CYP2J2: variants seen among roughly 807,000 people sequenced by gnomAD.
The protein encoded by CYP2J2 is cytochrome P450 family 2 subfamily J member 2.
A neutral mutation model predicts 48.8 loss-of-function variants in CYP2J2; 41 were observed. That is an observed-to-expected ratio of 0.84 (90% CI 0.66 to 1.09). CYP2J2 has a LOEUF of 1.09. Ranked by LOEUF, CYP2J2 falls within the 50% of genes least tolerant of loss-of-function variation. CYP2J2 has a pLI of 0.00. For missense variants in CYP2J2, 644 were observed against 617.3 expected (o/e 1.04, Z -0.46); for synonymous variants, 221 against 227.1 (o/e 0.97, Z 0.24).
chr1:59,961,773 T>C, the CYP2J2 span, among the ~76,000 whole-genome samples: 1 of 152,074 alleles, frequency 6.6e-6, no homozygotes, highest in Non-Finnish European at 1.5e-5. Flanking sequence ...TACAATATTA[T>C]AATTATATAA....
At chr1:59,907,009 C>T (rs986953342) in intron 6 of CYP2J2, among the ~76,000 whole-genome samples, 1 of 152,130 alleles carries the variant, frequency 6.6e-6, no homozygotes, top group Non-Finnish European at 1.5e-5. Context: ...TTCCCACCCC[C>T]ATATGTTCAA....
At chr1:59,935,040 A>G in the CYP2J2 span, among the ~76,000 whole-genome samples, 3 of 121,424 alleles carry the variant, frequency 2.5e-5, no homozygotes, top group Non-Finnish European at 3.4e-5. Context: ...ATATATATAT[A>G]TATATATATA....
the CYP2J2 span, among the ~76,000 whole-genome samples, chr1:59,938,470 G>A: frequency 6.6e-6 from 1 of 152,240 alleles, no homozygotes; most frequent in Non-Finnish European, 1.5e-5. Flanking sequence ...TACTATGCCT[G>A]GATGTGCACG....
upstream of CYP2J2, among the ~76,000 whole-genome samples, chr1:59,928,427 A>T (rs1278346225): frequency 1.3e-5 from 2 of 152,234 alleles, no homozygotes; most frequent in Admixed American, 6.5e-5. Context: ...CATTTGAGCC[A>T]TAACTCACTC....
At chr1:59,965,411 C>T in the CYP2J2 span, among the ~76,000 whole-genome samples, 3 of 152,214 alleles carry the variant, frequency 2.0e-5, no homozygotes, top group African/African-American at 4.8e-5. Context: ...TACTCCAACT[C>T]CACGACACAA....
At chr1:59,921,367 A>C (rs1644513570) in intron 1 of CYP2J2, among the ~76,000 whole-genome samples, 1 of 152,182 alleles carries the variant, frequency 6.6e-6, no homozygotes, top group South Asian at 2.1e-4. Flanking sequence ...GGGCTGCCAG[A>C]ATGAGCCAAC....
chr1:59,908,493 AACTC>A (rs1644383881), intron 5 of CYP2J2, among the ~76,000 whole-genome samples: 1 of 152,198 alleles, frequency 6.6e-6, no homozygotes, highest in Non-Finnish European at 1.5e-5. Flanking sequence ...TCCAATTTGA[AACTC>A]ACTGATTCTA....
chr1:59,902,518 C>A (rs1241833554), intron 7 of CYP2J2, among the ~76,000 whole-genome samples: 1 of 151,984 alleles, frequency 6.6e-6, no homozygotes. Context: ...TGGGTTCAAG[C>A]AATTCTCCTG....
intron 2 of CYP2J2, among the ~76,000 whole-genome samples, chr1:59,915,669 C>T (rs1302654075): frequency 6.6e-6 from 1 of 152,132 alleles, no homozygotes; most frequent in East Asian, 1.9e-4. Context: ...AAATGGGTAA[C>T]ATGGTTACTT....
the CYP2J2 span, among the ~76,000 whole-genome samples, chr1:59,966,977 A>G: frequency 3.3e-5 from 5 of 151,368 alleles, no homozygotes; most frequent in Non-Finnish European, 7.4e-5. Context: ...CAAGCTCTTC[A>G]GGCAAAACTA....
intron 5 of CYP2J2, among the ~76,000 whole-genome samples, chr1:59,908,340 C>A (rs11572278): frequency 0.075 from 11,471 of 152,230 alleles, 447 homozygotes; most frequent in African/African-American, 0.11. Flanking sequence ...GGAGTGCACA[C>A]CTCTTAAGAG....
the CYP2J2 span, among the ~76,000 whole-genome samples, chr1:59,963,997 TA>T: frequency 9.2e-5 from 14 of 152,086 alleles, no homozygotes; most frequent in Middle Eastern, 6.8e-3. Flanking sequence ...TTTCAATACC[TA>T]AAAAAAATGA....
chr1:59,911,519 A>C (rs902241363), intron 4 of CYP2J2, 89 bp downstream of exon 4: 3 of 969,136 alleles, frequency 3.1e-6, no homozygotes, highest in South Asian at 4.8e-5. Context: ...AACTTCAAAA[A>C]CCCAAAAAAA....
intron 7 of CYP2J2, 123 bp from the exon 8 acceptor site, chr1:59,901,226 T>A: frequency 1.0e-6 from 1 of 959,294 alleles, no homozygotes. Flanking sequence ...CCCTCCCCAA[T>A]TGTGGTACAC....
the CYP2J2 span, among the ~76,000 whole-genome samples, chr1:59,951,484 A>G: frequency 6.6e-6 from 1 of 152,176 alleles, no homozygotes; most frequent in African/African-American, 2.4e-5. Flanking sequence ...GTGTTTTAAT[A>G]TTTTAATCAA....
the CYP2J2 span, among the ~76,000 whole-genome samples, chr1:59,946,148 CT>C: frequency 6.6e-6 from 1 of 152,200 alleles, no homozygotes; most frequent in Non-Finnish European, 1.5e-5. Context: ...TCATGATGTT[CT>C]GAAAGGCTCT....
At chr1:59,935,031 T>TACAC in the CYP2J2 span, among the ~76,000 whole-genome samples, 2 of 102,498 alleles carry the variant, frequency 2.0e-5, no homozygotes, top group African/African-American at 8.0e-5. Context: ...TATATATATA[T>TACAC]ATATATATAT....
Position 59,901,068 on chromosome 1 carries a change from G to C in CYP2J2, c.1227C>G (p.His409Gln), listed in dbSNP as rs754404917. 3.1e-6 allele frequency: 5 copies of C among 1,613,950 alleles called. No homozygotes were observed. Among genetic ancestry groups the C allele is most frequent in the Non-Finnish European group, 4.2e-6 (5 of 1,179,952 alleles). The part of the protein sequence containing the change: ...TMILTNLTAL[H>Q]RDPTEWATPD... ...GGGTGGCCCACTCTGTGGGGTCCCT[G>C]TGCAGCGCCGTCAAATTGGTCAGGA... The change falls in exon 8 of 9, where the codon CAC becomes CAG. Residue 409 changes from histidine (H) to glutamine (Q), a missense_variant. His to Gln is a conservative substitution (Grantham distance 24). Coordinates refer to ENST00000371204, the MANE Select transcript of CYP2J2 (RefSeq NM_000775.4).
chr1:59,959,065 G>C, the CYP2J2 span, among the ~76,000 whole-genome samples: 1 of 152,044 alleles, frequency 6.6e-6, no homozygotes, highest in Admixed American at 6.6e-5. Context: ...TTGCTTTTAT[G>C]TATGCTCAGA....
Sources: allele counts gnomAD v4.1 joint callset (sites outside exome capture counted in the v4.1 genomes callset), GRCh38; gene constraint gnomAD v4.1.1; transcripts MANE v1.5; gene names NCBI Gene and HGNC (gene_info 2026-07-23, HGNC 2026-07-21).